Variants in ANKRD30B observed in about 807,000 individuals in gnomAD.
ANKRD30B encodes the protein ankyrin repeat domain-containing protein 30B.
A neutral mutation model predicts 202.2 loss-of-function variants in ANKRD30B; 144 were observed. The observed-to-expected ratio is 0.71, with a 90% CI of 0.62 to 0.82. The LOEUF (loss-of-function observed/expected upper bound fraction) is 0.82. Ranked by LOEUF, ANKRD30B falls within the 40% of genes least tolerant of loss-of-function variation. The pLI is 0.00. For synonymous variants in ANKRD30B, 508 were observed against 561.3 expected (o/e 0.91, Z 1.34); for missense variants, 1,487 against 1,669.1 (o/e 0.89, Z 1.90).
At chr18:14,821,408 T>G (rs530769054) in intron 30 of ANKRD30B, among the ~76,000 whole-genome samples, 61 of 152,258 alleles carry the variant, frequency 4.0e-4, no homozygotes, top group South Asian at 2.1e-3. Flanking sequence ...TCTACTAGCT[T>G]TTGAATGTGT....
chr18:14,896,842 T>A, the ANKRD30B span, among the ~76,000 whole-genome samples: 1 of 148,576 alleles, frequency 6.7e-6, no homozygotes, highest in Admixed American at 6.7e-5. Context: ...AGAAACTTGA[T>A]CTGATTACTT....
chr18:14,918,651 A>C, the ANKRD30B span, among the ~76,000 whole-genome samples: 1 of 152,188 alleles, frequency 6.6e-6, no homozygotes, highest in Non-Finnish European at 1.5e-5. Flanking sequence ...CAGGCCCCTC[A>C]TCAAGAAAAA....
At chr18:14,914,951 T>C in the ANKRD30B span, among the ~76,000 whole-genome samples, 1 of 152,168 alleles carries the variant, frequency 6.6e-6, no homozygotes, top group African/African-American at 2.4e-5. Context: ...TTGTATGACA[T>C]ACTCTAGGAA....
Position 14,822,611 on chromosome 18 carries a change from T to C in ANKRD30B, c.2677T>C (p.Cys893Arg), listed in dbSNP as rs778238896. Reference sequence around the variant, plus strand: ...TGTTTCCAAACCCATTTAGCCTACCTGTGGAATGAAAATTTCTCTTCCAAA... The same window carrying C: ...TGTTTCCAAACCCATTTAGCCTACCCGTGGAATGAAAATTTCTCTTCCAAA... Reference protein sequence around the residue: ...PDKDGLLKPTCGMKISLPNKA... With the variant: ...PDKDGLLKPTRGMKISLPNKA... Residue 893 changes from cysteine (C) to arginine (R), a missense_variant, in exon 32 of 44, where the codon TGT (cysteine) becomes CGT (arginine). Cys to Arg is a radical substitution (Grantham distance 180). Coordinates refer to ENST00000690538, the MANE Select transcript of ANKRD30B (RefSeq NM_001367607.2). 8.9e-5 allele frequency: 126 copies of C among 1,417,616 alleles called. No individual in the cohort carries two copies. The highest frequency in any genetic ancestry group is 2.5e-4 in the Middle Eastern group (1 of 4,020). The allele number at this position is 1,417,616 out of a possible 1,614,324, so 87.8% of individuals were successfully genotyped here.
chr18:14,798,055 G>A (rs1969041061), intron 20 of ANKRD30B, among the ~76,000 whole-genome samples: 2 of 152,136 alleles, frequency 1.3e-5, no homozygotes, highest in South Asian at 4.2e-4. Flanking sequence ...ATTCAGCTTT[G>A]CCTCATGTGG....
chr18:14,837,101 G>T (rs555013512), intron 34 of ANKRD30B, 110 bp from the exon 35 acceptor site: 37 of 625,454 alleles, frequency 5.9e-5, no homozygotes, highest in South Asian at 2.9e-4. Flanking sequence ...TATGTTTTTT[G>T]TTGTTGTTGT....
downstream of ANKRD30B, among the ~76,000 whole-genome samples, chr18:14,855,307 T>C (rs1320582803): frequency 2.0e-5 from 3 of 152,210 alleles, no homozygotes; most frequent in Non-Finnish European, 4.4e-5. Flanking sequence ...TCTACTTCTT[T>C]CTACACAGAC....
chr18:14,820,841 C>G (rs1451482161), intron 30 of ANKRD30B, among the ~76,000 whole-genome samples: 1 of 152,190 alleles, frequency 6.6e-6, no homozygotes, highest in Admixed American at 6.5e-5. Flanking sequence ...TGTTGTGTCT[C>G]TGCCCGGCTT....
At chr18:14,922,175 T>C in the ANKRD30B span, among the ~76,000 whole-genome samples, 2 of 152,098 alleles carry the variant, frequency 1.3e-5, no homozygotes, top group South Asian at 2.1e-4. Context: ...GGACTTTGCA[T>C]TGGAACTCAG....
chr18:14,909,093 C>T, the ANKRD30B span, among the ~76,000 whole-genome samples: 1 of 152,174 alleles, frequency 6.6e-6, no homozygotes, highest in Non-Finnish European at 1.5e-5. Context: ...CACCTGTCTT[C>T]TTTCTGCCAA....
At chr18:14,837,125 G>T in intron 34 of ANKRD30B, 86 bp from the exon 35 acceptor site, 2 of 782,262 alleles carry the variant, frequency 2.6e-6, no homozygotes, top group South Asian at 3.6e-5. Context: ...TTGTCTTTCT[G>T]ACAAATTGAT....
At chr18:14,806,725 A>G (rs1472995285) in intron 24 of ANKRD30B, among the ~76,000 whole-genome samples, 1 of 148,996 alleles carries the variant, frequency 6.7e-6, no homozygotes, top group Non-Finnish European at 1.5e-5. Flanking sequence ...ATCTTGTCTT[A>G]GAAAGGTCAA....
chr18:14,806,329 A>C (rs1969511827), intron 24 of ANKRD30B, among the ~76,000 whole-genome samples: 1 of 151,084 alleles, frequency 6.6e-6, no homozygotes, highest in Admixed American at 6.6e-5. Context: ...AGATGTCAGC[A>C]AGCCTTTGTT....
At chr18:14,807,518 A>G (rs1286772166) in intron 24 of ANKRD30B, among the ~76,000 whole-genome samples, 1 of 147,250 alleles carries the variant, frequency 6.8e-6, no homozygotes, top group African/African-American at 2.5e-5. Flanking sequence ...CTAATTTTTG[A>G]TACTTTCATA....
In ANKRD30B at chr18:14,840,617, T is replaced by G. The variant is rs759627962; in HGVS notation, c.3018T>G (p.Tyr1006Ter). The G allele has an allele frequency of 7.5e-5, 114 of 1,529,758 alleles. No homozygotes were observed. Among genetic ancestry groups the G allele is most frequent in the Non-Finnish European group, 9.9e-5 (112 of 1,132,804 alleles). 94.8% of individuals were successfully genotyped at this position (1,529,758 alleles called of 1,614,324 possible). A position where few individuals can be genotyped will look rare whatever the true frequency, so the allele number is the denominator to read the frequency against. Residue 1006 changes from tyrosine (Y) to a stop codon, truncating the protein, a stop_gained, in exon 37 of 44, where the codon TAT (tyrosine) becomes TAG (stop). Coordinates refer to ENST00000690538, the MANE Select transcript of ANKRD30B (RefSeq NM_001367607.2). LOFTEE classifies it high-confidence loss of function. ...TCTCTGTGAGTGATACACAGAATTA[T>G]GAGTGTTTACCTGAGGCTACATATC... is the stretch of plus-strand genomic sequence containing the variant. ...EIISVSDTQN[Y>*]ECLPEATYQK...
intron 26 of ANKRD30B, 45 bp from the exon 27 acceptor site, chr18:14,809,941 G>C (rs1568036235): frequency 7.2e-7 from 1 of 1,380,566 alleles, no homozygotes; most frequent in Non-Finnish European, 1.0e-6. Context: ...GGTAGGCTTT[G>C]TCAGGCTTGC....
intron 16 of ANKRD30B, among the ~76,000 whole-genome samples, chr18:14,792,744 A>C (rs982601834): frequency 6.6e-6 from 1 of 151,534 alleles, no homozygotes; most frequent in Admixed American, 6.6e-5. Flanking sequence ...ATATATATAT[A>C]TATATGTATA....
chr18:14,805,200 G>A (rs1316366092), intron 24 of ANKRD30B, among the ~76,000 whole-genome samples: 1 of 150,750 alleles, frequency 6.6e-6, no homozygotes, highest in Non-Finnish European at 1.5e-5. Context: ...CCTCATTAGC[G>A]AATAACATGA....
chr18:14,820,082 C>G (rs1466516357), intron 30 of ANKRD30B, among the ~76,000 whole-genome samples: 1 of 152,092 alleles, frequency 6.6e-6, no homozygotes, highest in Non-Finnish European at 1.5e-5. Flanking sequence ...CTTCACATCC[C>G]TTGTAAGTTG....
Sources: gnomAD v4.1 joint callset for allele counts (sites outside exome capture counted in the v4.1 genomes callset) on GRCh38, gnomAD v4.1.1 for gene constraint, MANE v1.5 for transcripts, NCBI Gene and HGNC (gene_info 2026-07-23, HGNC 2026-07-21) for gene names.